CRB2: variants seen among roughly 807,000 people sequenced by gnomAD.
The protein encoded by CRB2 is protein crumbs homolog 2.
CRB2 carries 85 observed loss-of-function variants against 110.9 expected under a neutral mutation model. The ratio of observed to expected loss-of-function variants is 0.77; its 90% CI spans 0.64 to 0.92. The LOEUF (loss-of-function observed/expected upper bound fraction) is 0.92. Ranked by LOEUF, CRB2 falls within the 40% of genes least tolerant of loss-of-function variation. The pLI, the probability that CRB2 is intolerant of heterozygous loss-of-function variation, is 0.00. For missense variants in CRB2, 1,843 were observed against 1,851.3 expected (o/e 1.00, Z 0.08); for synonymous variants, 907 against 831.0 (o/e 1.09, Z -1.57).
chr9:123,371,600 TGGTGGTGG>T, intron 8 of CRB2, 22 bp downstream of exon 8: 1 of 1,610,064 alleles, frequency 6.2e-7, no homozygotes, highest in Non-Finnish European at 8.5e-7. Flanking sequence ...GTGGCGGTGG[TGGTGGTGG>T]GGTGGGGAGT....
intron 6 of CRB2, chr9:123,368,925 GGCCACCTGTGGC>G: frequency 8.0e-7 from 1 of 1,253,902 alleles, no homozygotes; most frequent in Non-Finnish European, 1.0e-6. Flanking sequence ...GACCTTCCTG[GGCCACCTGTGGC>G]TCCTGGCAGG....
At chr9:123,368,557 C>T (rs985718546) in intron 6 of CRB2, among the ~76,000 whole-genome samples, 3 of 152,254 alleles carry the variant, frequency 2.0e-5, no homozygotes, top group African/African-American at 7.2e-5. Context: ...GGTTTAAAAC[C>T]CCATCTTACA....
chr9:123,356,397 GT>G, intron 1 of CRB2, 43 bp downstream of exon 1: 1 of 1,454,518 alleles, frequency 6.9e-7, no homozygotes, highest in South Asian at 1.3e-5. Flanking sequence ...GAGAGGGTCT[GT>G]CCCCCAAGAC....
intron 6 of CRB2, among the ~76,000 whole-genome samples, chr9:123,368,624 G>A (rs924501323): frequency 6.6e-6 from 1 of 152,268 alleles, no homozygotes; most frequent in Non-Finnish European, 1.5e-5. Flanking sequence ...CGGGAACCCG[G>A]CTCCTCTCCC....
intron 1 of CRB2, 45 bp downstream of exon 1, chr9:123,356,399 C>CTTGGGGGA: frequency 7.0e-7 from 1 of 1,430,658 alleles, no homozygotes; most frequent in Non-Finnish European, 9.4e-7. Context: ...GAGGGTCTGT[C>CTTGGGGGA]CCCCAAGACA....
rs750093395 is a variant in CRB2 at position 123,374,583 on chromosome 9, C to T, written c.3394C>T (p.Pro1132Ser). The part of the protein sequence containing the change: ...PGFGGPRCRL[P>S]VPSKECSLNV... ...CAGCCTCTGCTCTCTCCCCAGGTTG[C>T]CTGTCCCATCCAAGGAGTGCAGCCT... is the stretch of plus-strand genomic sequence containing the variant. Residue 1132 changes from proline (P) to serine (S), a missense_variant, in exon 11 of 13, where the codon CCT (proline) becomes TCT (serine). Physicochemically the swap from Pro to Ser is moderately conservative, Grantham distance 74. Coordinates refer to ENST00000373631, the MANE Select transcript of CRB2 (RefSeq NM_173689.7). 1.9e-6 allele frequency: 3 copies of T among 1,612,254 alleles called. No homozygotes were observed. The highest frequency in any genetic ancestry group is 2.5e-6 in the Non-Finnish European group (3 of 1,178,980).
rs369937205 is a variant in CRB2, at chr9:123,370,977, G to C, written c.1924G>C (p.Asp642His). The C allele has an allele frequency of 3.1e-6, 5 of 1,601,998 alleles. No individual in the cohort carries two copies. The highest frequency in any genetic ancestry group is 2.7e-5 in the African/African-American group (2 of 74,700). The change falls in exon 7 of 13, where the codon GAT becomes CAT. Residue 642 changes from aspartate to histidine, a missense_variant. Physicochemically the swap from Asp to His is moderately conservative, Grantham distance 81. Coordinates refer to ENST00000373631, the MANE Select transcript of CRB2 (RefSeq NM_173689.7). ...GCCCCATAGAGGTCCCACGTGCGCT[G>C]ATGGTGAGGAATAAGCCAGGTGGGA... is the stretch of plus-strand genomic sequence containing the variant. The part of the protein sequence containing the change: ...ARPHRGPTCA[D>H]EIPAATFGLG...
In CRB2 at chr9:123,373,263, G is replaced by A. The variant is rs1007746379; in HGVS notation, c.2732G>A (p.Arg911His). ...RTRDSEAWLL[R>H]AAAGALEGVW... Reference sequence around the variant, plus strand: ...CGCGACTCCGAGGCCTGGCTGCTGCGTGCCGCGGCGGGCGCCCTGGAAGGC... The same window carrying A: ...CGCGACTCCGAGGCCTGGCTGCTGCATGCCGCGGCGGGCGCCCTGGAAGGC... Residue 911 changes from arginine to histidine, a missense_variant, in exon 10 of 13, where the codon CGT becomes CAT. Physicochemically the swap from Arg to His is conservative, Grantham distance 29. Transcript: ENST00000373631. The A allele has an allele frequency of 4.5e-5, 67 of 1,487,116 alleles. No homozygotes were observed. The highest frequency in any genetic ancestry group is 2.2e-4 in the Middle Eastern group (1 of 4,460). The allele number at this position is 1,487,116 out of a possible 1,614,324, so 92.1% of individuals were successfully genotyped here. A position where few individuals can be genotyped will look rare whatever the true frequency, so the allele number is the denominator to read the frequency against.
intron 11 of CRB2, 96 bp downstream of exon 11, chr9:123,374,791 C>A: frequency 2.6e-6 from 2 of 769,480 alleles, no homozygotes; most frequent in Non-Finnish European, 4.3e-6. Context: ...CCCACCTTCT[C>A]ACCCCTCCCT....
At position 123,373,237 on chromosome 9, in the gene CRB2, G is replaced by A. The variant is rs370878889; in HGVS notation, c.2706G>A (p.Thr902=). ...GCGGCCTGTCGCTGGCCTTTCGCAC[G>A]CGCGACTCCGAGGCCTGGCTGCTGC... ...LLGGLSLAFR[T]RDSEAWLLRA... The change falls in exon 10 of 13, where the codon ACG becomes ACA. Residue 902 remains threonine, a synonymous_variant. Transcript: ENST00000373631. 27 of 1,504,994 alleles carry A rather than the reference G, an allele frequency of 1.8e-5. No individual in the cohort carries two copies. In the African/African-American group the frequency reaches 3.6e-4, roughly 20 times the overall value. The allele number at this position is 1,504,994 out of a possible 1,614,324, so 93.2% of individuals were successfully genotyped here.
In CRB2 at chr9:123,373,894, G is replaced by T; in HGVS notation, c.3363G>T (p.Pro1121=). The change falls in exon 10 of 13, where the codon CCG becomes CCT. Residue 1121 remains proline, a synonymous_variant. Coordinates refer to ENST00000373631, the MANE Select transcript of CRB2 (RefSeq NM_173689.7). ...HPDGRFECRC[P]PGFGGPRCRL... ...ACGGCCGCTTCGAGTGCCGCTGCCC[G>T]CCTGGCTTCGGGGGCCCGCGCTGCA... 4 of 1,548,026 alleles carry T rather than the reference G, an allele frequency of 2.6e-6. No individual in the cohort carries two copies. The highest frequency in any genetic ancestry group is 3.5e-6 in the Non-Finnish European group (4 of 1,148,258).
Position 123,371,377 on chromosome 9 carries a change from G to T in CRB2, c.2235G>T (p.Val745=). The T allele has an allele frequency of 6.2e-7, 1 of 1,606,476 alleles. No homozygotes were observed. The highest frequency in any genetic ancestry group is 8.5e-7 in the Non-Finnish European group (1 of 1,176,140). ...PDQLQDLGQH[V]HVGGRLLAAD... ...AGCTGCAGGACCTGGGGCAGCACGT[G>T]CACGTGGGTGGGAGGCTCCTTGCTG... The change falls in exon 8 of 13, where the codon GTG becomes GTT. Residue 745 remains valine (V), a synonymous_variant. Transcript: ENST00000373631.
intron 9 of CRB2, 135 bp from the exon 10 acceptor site, chr9:123,372,999 A>G: frequency 1.5e-6 from 1 of 688,918 alleles, no homozygotes; most frequent in South Asian, 2.2e-5. Flanking sequence ...TGCAGTTTCC[A>G]GGATTAGATG....
Position 123,376,981 on chromosome 9 carries a change from C to G in CRB2, c.3777C>G (p.Ser1259Arg). 2 of 1,608,782 alleles carry G rather than the reference C, an allele frequency of 1.2e-6. No homozygotes were observed. The highest frequency in any genetic ancestry group is 8.5e-7 in the Non-Finnish European group (1 of 1,178,532). Reference sequence around the variant, plus strand: ...GCCGCCAGTCTGAGGGCACCTACAGCCCAAGCCAGCAGGAGGTGGCTGGGG... The same window carrying G: ...GCCGCCAGTCTGAGGGCACCTACAGGCCAAGCCAGCAGGAGGTGGCTGGGG... ...RKRRQSEGTY[S>R]PSQQEVAGAR... is the part of the protein sequence containing the mutation. Residue 1259 changes from serine (S) to arginine (R), a missense_variant, in exon 13 of 13, where the codon AGC (serine) becomes AGG (arginine). Coordinates refer to ENST00000373631, the MANE Select transcript of CRB2 (RefSeq NM_173689.7).
downstream of CRB2, chr9:123,378,805 G>GTTTTTTTTTTTTTTT (rs1166539194): frequency 2.0e-5 from 2 of 100,978 alleles, no homozygotes; most frequent in Admixed American, 1.3e-4. Context: ...CCTGTTTTTT[G>GTTTTTTTTTTTTTTT]TTTTTTTTTT....
chr9:123,375,168 A>G, intron 11 of CRB2, 49 bp from the exon 12 acceptor site: 5 of 1,609,364 alleles, frequency 3.1e-6, no homozygotes, highest in Non-Finnish European at 4.2e-6. Context: ...TGGGAGCACA[A>G]GAGGCAGCCA....
rs1305549048 is a variant in CRB2 at position 123,362,775 on chromosome 9, T to C, written c.95-90T>C. On this transcript the variant is annotated intron_variant, in intron 1 of 12. Coordinates refer to ENST00000373631, the MANE Select transcript of CRB2 (RefSeq NM_173689.7). ...GTGCATGCAGAGACCCACGTTGCTT[T>C]TGGGGTCTGGGGTGGGCCTGAGAGG... The C allele has an allele frequency of 3.8e-6, 5 of 1,310,542 alleles. No homozygotes were observed. The African/African-American group carries it at 7.4e-5, about 19-fold the overall frequency. 81.2% of individuals were successfully genotyped at this position (1,310,542 alleles called of 1,614,324 possible). A position where few individuals can be genotyped will look rare whatever the true frequency, so the allele number is the denominator to read the frequency against.
At position 123,367,634 on chromosome 9, in the gene CRB2, C is replaced by T; in HGVS notation, c.1002C>T (p.His334=). 6.4e-7 allele frequency: 1 copy of T among 1,570,138 alleles called. No homozygotes were observed. Among genetic ancestry groups the T allele is most frequent in the Non-Finnish European group, 8.6e-7 (1 of 1,158,278 alleles). Residue 334 remains histidine (H), a synonymous_variant, in exon 6 of 13, where the codon CAC becomes CAT. Transcript: ENST00000373631. ...CASRPCLNGG[H]CQDLPNGFQC... is the part of the protein sequence containing the mutation. ...CACGGCCATGCCTCAACGGAGGCCA[C>T]TGCCAGGACCTGCCCAATGGCTTCC... is the stretch of plus-strand genomic sequence containing the variant.
Position 123,366,906 on chromosome 9 carries a change from C to T in CRB2, c.755-266C>T, listed in dbSNP as rs1217520253. On this transcript the variant is annotated intron_variant, in intron 4 of 12. Transcript: ENST00000373631. ...GTGGAGGTGAGCAGAGATCATGCCG[C>T]TGCACTCCAGCCTGGGCAACAGAGT... 2.0e-5 allele frequency among the ~76,000 whole-genome samples: 3 copies of T among 148,914 alleles called. No individual in the cohort carries two copies. The East Asian group carries it at 5.9e-4, about 30-fold the overall frequency.
Sources: allele counts gnomAD v4.1 joint callset (sites outside exome capture counted in the v4.1 genomes callset), GRCh38; gene constraint gnomAD v4.1.1; transcripts MANE v1.5; gene names NCBI Gene and HGNC (gene_info 2026-07-23, HGNC 2026-07-21).